Variants in PCDHGA1 observed in about 807,000 individuals in gnomAD.
PCDHGA1 encodes protocadherin gamma subfamily A, 1.
In PCDHGA1, 32 loss-of-function variants were observed where a neutral mutation model predicts 58.0. The ratio of observed to expected loss-of-function variants is 0.55; its 90% CI spans 0.42 to 0.74. The LOEUF (loss-of-function observed/expected upper bound fraction) is 0.74. Among genes scored for constraint, PCDHGA1 ranks in the 30% least tolerant of loss-of-function variants. The pLI, the probability that PCDHGA1 is intolerant of heterozygous loss-of-function variation, is 0.00. For missense variants in PCDHGA1, 1,205 were observed against 1,182.3 expected (o/e 1.02, Z -0.28); for synonymous variants, 498 against 501.1 (o/e 0.99, Z 0.08).
Position 141,346,504 on chromosome 5 carries a change from T to C in PCDHGA1, c.2421+13399T>C, listed in dbSNP as rs747030276. ...ATTATTAAGAACAAATATGAGAATG[T>C]GGTTATTATAAAGCTTTAACACATA... On this transcript the variant is annotated intron_variant, in intron 1 of 3. Coordinates refer to ENST00000517417, the MANE Select transcript of PCDHGA1 (RefSeq NM_018912.3). The C allele has an allele frequency of 3.1e-6, 5 of 1,610,034 alleles. No homozygotes were observed. In the Admixed American group the frequency reaches 8.4e-5, roughly 27 times the overall value.
chr5:141,420,357 CT>C, intron 1 of PCDHGA1: 1 of 1,376,278 alleles, frequency 7.3e-7, no homozygotes, highest in Non-Finnish European at 9.6e-7. Context: ...TTTTAAGATT[CT>C]AGATAACTTC....
At chr5:141,471,263 C>T (rs2099253826) in intron 1 of PCDHGA1, 1 of 151,898 alleles carries the variant, frequency 6.6e-6, no homozygotes, top group African/African-American at 2.4e-5. Context: ...GTTGGCAAGG[C>T]TGGTCTCAAA....
At chr5:141,415,725 T>A in intron 1 of PCDHGA1, 1 of 1,437,122 alleles carries the variant, frequency 7.0e-7, no homozygotes, top group Non-Finnish European at 9.2e-7. Context: ...TGAGTAGAAT[T>A]TGATGTTTAT....
intron 1 of PCDHGA1, chr5:141,421,414 C>G: frequency 6.2e-7 from 1 of 1,614,066 alleles, no homozygotes; most frequent in Non-Finnish European, 8.5e-7. Flanking sequence ...GCTGGCGAAG[C>G]GCGGAGTCCG....
intron 1 of PCDHGA1, among the ~76,000 whole-genome samples, chr5:141,359,645 G>T (rs1457992674): frequency 6.6e-6 from 1 of 151,998 alleles, no homozygotes; most frequent in Non-Finnish European, 1.5e-5. Context: ...TGTAAAGAAG[G>T]AGACAGAATA....
chr5:141,444,280 T>C (rs1217749098), intron 1 of PCDHGA1, among the ~76,000 whole-genome samples: 1 of 147,614 alleles, frequency 6.8e-6, no homozygotes, highest in East Asian at 2.1e-4. Context: ...CAAGTGATTC[T>C]CCTGCCTCAG....
At chr5:141,474,133 C>T (rs35162249) in intron 1 of PCDHGA1, among the ~76,000 whole-genome samples, 9,247 of 152,260 alleles carry the variant, frequency 0.061, 334 homozygotes, top group South Asian at 0.12. Flanking sequence ...CAGAAAACTA[C>T]AGGCCTTATT....
At chr5:141,349,565 A>G (rs1477069381) in intron 1 of PCDHGA1, among the ~76,000 whole-genome samples, 1 of 152,226 alleles carries the variant, frequency 6.6e-6, no homozygotes, top group Non-Finnish European at 1.5e-5. Context: ...CATAATAGTA[A>G]GGCTGTGATT....
chr5:141,388,326 C>T, intron 1 of PCDHGA1: 1 of 1,613,878 alleles, frequency 6.2e-7, no homozygotes, highest in Non-Finnish European at 8.5e-7. Context: ...GTCTGCACAG[C>T]CTGGCACACG....
At chr5:141,502,862 C>CTTTT (rs2154593209) in intron 2 of PCDHGA1, among the ~76,000 whole-genome samples, 1 of 68,550 alleles carries the variant, frequency 1.5e-5, no homozygotes, top group African/African-American at 9.9e-5. Flanking sequence ...CCCTGACTCT[C>CTTTT]TGTCTTTTTT....
At chr5:141,360,594 A>C (rs1375239245) in intron 1 of PCDHGA1, 1 of 1,614,032 alleles carries the variant, frequency 6.2e-7, no homozygotes, top group Admixed American at 1.7e-5. Flanking sequence ...CAACATTTCC[A>C]CTTGACCCAG....
intron 1 of PCDHGA1, chr5:141,424,664 A>T (rs923488035): frequency 6.6e-6 from 1 of 152,124 alleles, no homozygotes; most frequent in African/African-American, 2.4e-5. Flanking sequence ...CTTTAATTAA[A>T]CTGATTTAGC....
intron 1 of PCDHGA1, chr5:141,389,608 T>C (rs1458951980): frequency 1.9e-6 from 3 of 1,613,138 alleles, no homozygotes; most frequent in East Asian, 2.2e-5. Context: ...CTCTTCGATA[T>C]GGTGCCGCAC....
At chr5:141,413,605 G>A in intron 1 of PCDHGA1, 1 of 1,613,854 alleles carries the variant, frequency 6.2e-7, no homozygotes, top group Non-Finnish European at 8.5e-7. Flanking sequence ...AAATCTAGAC[G>A]TAAAAATTAA....
intron 1 of PCDHGA1, among the ~76,000 whole-genome samples, chr5:141,335,704 GTT>G (rs1756579822): frequency 1.3e-5 from 2 of 152,100 alleles, no homozygotes; most frequent in Admixed American, 6.5e-5. Context: ...CAATCTACAA[GTT>G]TATTACCTAG....
chr5:141,476,412 G>T lies in PCDHGA1; in HGVS notation c.2422-18395G>T. The T allele has an allele frequency of 1.2e-6, 2 of 1,614,140 alleles. No homozygotes were observed. Among genetic ancestry groups the T allele is most frequent in the Non-Finnish European group, 1.7e-6 (2 of 1,180,010 alleles). On this transcript the variant is annotated intron_variant, in intron 1 of 3. Coordinates refer to ENST00000517417, the MANE Select transcript of PCDHGA1 (RefSeq NM_018912.3). The surrounding 1 kb of genome is among the most constrained non-coding windows in gnomAD (Gnocchi z 7.6). ...CGTCTGGATCGAGAGGAGCTGTGTGGGACACTGCCCTCTTGCACTGTAACT... is the reference window on the plus strand; with the variant it reads ...CGTCTGGATCGAGAGGAGCTGTGTGTGACACTGCCCTCTTGCACTGTAACT...
chr5:141,414,413 C>T, intron 1 of PCDHGA1: 1 of 1,613,830 alleles, frequency 6.2e-7, no homozygotes. Flanking sequence ...ATACACAGAG[C>T]CCTTGACAGG....
In PCDHGA1 at chr5:141,374,128, G is replaced by T. The variant is rs376765941; in HGVS notation, c.2421+41023G>T. Reference sequence around the variant, plus strand: ...ATCCGCAGCGCAGCGAGCAGGTCCTGCTCCTCACGCTCCTGGGGACGCTGT... The same window carrying T: ...ATCCGCAGCGCAGCGAGCAGGTCCTTCTCCTCACGCTCCTGGGGACGCTGT... On this transcript the variant is annotated intron_variant, in intron 1 of 3. Coordinates refer to ENST00000517417, the MANE Select transcript of PCDHGA1 (RefSeq NM_018912.3). The T allele has an allele frequency of 4.4e-6, 7 of 1,603,372 alleles. No homozygotes were observed. The African/African-American group carries it at 8.0e-5, about 18-fold the overall frequency.
Position 141,485,399 on chromosome 5 carries a change from C to T in PCDHGA1, c.2422-9408C>T. On this transcript the variant is annotated intron_variant, in intron 1 of 3. Coordinates refer to ENST00000517417, the MANE Select transcript of PCDHGA1 (RefSeq NM_018912.3). This position sits in a 1 kb window ranked among gnomAD's most constrained non-coding sequence, Gnocchi z 5.7. ...TGGAGAGGTGAACCAAAGACACTTC[C>T]GTGTGGATTTGGACAGCGGAGCCCT... 3 of 1,614,000 alleles carry T rather than the reference C, an allele frequency of 1.9e-6. No homozygotes were observed. The highest frequency in any genetic ancestry group is 2.5e-6 in the Non-Finnish European group (3 of 1,179,922).
Sources: gnomAD v4.1 joint callset for allele counts (sites outside exome capture counted in the v4.1 genomes callset) on GRCh38, gnomAD v4.1.1 for gene constraint, Gnocchi (gnomAD v3.1) non-coding constraint, MANE v1.5 for transcripts, NCBI Gene and HGNC (gene_info 2026-07-23, HGNC 2026-07-21) for gene names.